RIMS2: variants seen among roughly 807,000 people sequenced by gnomAD.
RIMS2 encodes the protein regulating synaptic membrane exocytosis 2.
RIMS2 carries 59 observed loss-of-function variants against 174.4 expected under a neutral mutation model. The observed-to-expected ratio is 0.34, with a 90% CI of 0.27 to 0.42. RIMS2 has a LOEUF of 0.42. Ranked by LOEUF, RIMS2 falls within the 10% of genes least tolerant of loss-of-function variation. The pLI is 1.00. For missense variants in RIMS2, 1,620 were observed against 1,666.3 expected (o/e 0.97, Z 0.48); for synonymous variants, 606 against 572.5 (o/e 1.06, Z -0.84).
At chr8:104,077,225 G>A (rs1303366188) in intron 19 of RIMS2, among the ~76,000 whole-genome samples, 1 of 152,102 alleles carries the variant, frequency 6.6e-6, no homozygotes, top group Admixed American at 6.5e-5. Context: ...AATGATGGTT[G>A]TGGTCGTGGT....
intron 3 of RIMS2, among the ~76,000 whole-genome samples, chr8:103,851,491 T>C (rs2098997667): frequency 6.6e-6 from 1 of 151,192 alleles, no homozygotes; most frequent in African/African-American, 2.4e-5. Context: ...GTTAGAACAA[T>C]GAGATTTCAA....
chr8:103,985,810 T>C (rs969587068), intron 16 of RIMS2, among the ~76,000 whole-genome samples: 1 of 152,186 alleles, frequency 6.6e-6, no homozygotes, highest in African/African-American at 2.4e-5. Flanking sequence ...AATTCTATCA[T>C]TTCTGACAAC....
intron 19 of RIMS2, among the ~76,000 whole-genome samples, chr8:104,028,068 T>C (rs539887948): frequency 2.0e-5 from 3 of 151,950 alleles, no homozygotes; most frequent in African/African-American, 7.2e-5. Flanking sequence ...GTAGCTGAAC[T>C]ACAGGCATAT....
chr8:103,676,603 G>A (rs1346962674), intron 1 of RIMS2, among the ~76,000 whole-genome samples: 3 of 151,104 alleles, frequency 2.0e-5, no homozygotes, highest in Non-Finnish European at 4.4e-5. Context: ...AATAAAGAGG[G>A]AATAACAATA....
At chr8:104,107,081 C>G (rs2098084741) in intron 19 of RIMS2, among the ~76,000 whole-genome samples, 2 of 151,954 alleles carry the variant, frequency 1.3e-5, no homozygotes, top group African/African-American at 4.8e-5. Context: ...AAGGAAGAAA[C>G]AATTCCAGTC....
intron 17 of RIMS2, among the ~76,000 whole-genome samples, chr8:104,007,600 A>T (rs1440073083): frequency 6.6e-6 from 1 of 152,112 alleles, no homozygotes; most frequent in Non-Finnish European, 1.5e-5. Context: ...AGTCTTTACC[A>T]TATCAAGCAG....
chr8:103,609,283 A>G (rs2095279285), intron 1 of RIMS2, among the ~76,000 whole-genome samples: 1 of 152,112 alleles, frequency 6.6e-6, no homozygotes, highest in East Asian at 1.9e-4. Context: ...TAGTTTGGAA[A>G]TATTTTCTCC....
intron 1 of RIMS2, among the ~76,000 whole-genome samples, chr8:103,633,015 G>A (rs1361760214): frequency 1.3e-5 from 2 of 148,464 alleles, no homozygotes; most frequent in Non-Finnish European, 3.0e-5. Flanking sequence ...TTACAGGTGT[G>A]AGCCTCCGCG....
In RIMS2 at chr8:103,888,941, G is replaced by T. The variant is rs551899922; in HGVS notation, c.1624+2718G>T. 5.9e-5 allele frequency among the ~76,000 whole-genome samples: 9 copies of T among 151,642 alleles called. No homozygotes were observed. In the East Asian group the frequency reaches 1.8e-3, roughly 29 times the overall value. On this transcript the variant is annotated intron_variant, in intron 4 of 23. Coordinates refer to ENST00000504942, the Ensembl canonical transcript of RIMS2. ...AAAACTACACTTTAATTTGAATTTG[G>T]AAGAATAAACTTGAATGAAGTAATC...
At chr8:103,587,752 G>A (rs1356423964) in intron 1 of RIMS2, among the ~76,000 whole-genome samples, 2 of 151,930 alleles carry the variant, frequency 1.3e-5, no homozygotes, top group Non-Finnish European at 2.9e-5. Flanking sequence ...GATGGAAGGA[G>A]CATACTTCAA....
intron 3 of RIMS2, among the ~76,000 whole-genome samples, chr8:103,798,795 C>T (rs2098578312): frequency 6.6e-6 from 1 of 152,090 alleles, no homozygotes; most frequent in African/African-American, 2.4e-5. Context: ...CTGGATGTTA[C>T]CTTACCTGGC....
chr8:103,996,816 A>G (rs563944973), intron 17 of RIMS2, among the ~76,000 whole-genome samples: 2 of 152,048 alleles, frequency 1.3e-5, no homozygotes, highest in South Asian at 4.1e-4. Context: ...TGTTTTGAGA[A>G]GTAAATGAGA....
intron 2 of RIMS2, among the ~76,000 whole-genome samples, chr8:103,714,354 C>T (rs2097343920): frequency 6.6e-6 from 1 of 152,058 alleles, no homozygotes; most frequent in African/African-American, 2.4e-5. Flanking sequence ...ATAAACTATA[C>T]AGACAGAATT....
chr8:103,769,980 A>T (rs2098231541), intron 3 of RIMS2, among the ~76,000 whole-genome samples: 1 of 152,214 alleles, frequency 6.6e-6, no homozygotes, highest in Admixed American at 6.5e-5. Flanking sequence ...AACTCATTGT[A>T]ATTTACATAC....
intron 3 of RIMS2, among the ~76,000 whole-genome samples, chr8:103,784,863 A>G (rs1301386881): frequency 8.0e-6 from 1 of 125,008 alleles, no homozygotes; most frequent in Non-Finnish European, 1.7e-5. Flanking sequence ...CTTGGGCAGT[A>G]TGGCCATTTT....
chr8:104,022,944 C>A (rs561269215), intron 19 of RIMS2, among the ~76,000 whole-genome samples: 2 of 152,090 alleles, frequency 1.3e-5, no homozygotes, highest in African/African-American at 2.4e-5. Flanking sequence ...ATTTCACATA[C>A]GCTAACTTGG....
At chr8:103,751,085 C>T (rs1357299281) in intron 2 of RIMS2, among the ~76,000 whole-genome samples, 1 of 152,224 alleles carries the variant, frequency 6.6e-6, no homozygotes, top group Non-Finnish European at 1.5e-5. Flanking sequence ...CTTTCACCTT[C>T]CACCAGGATT....
intron 14 of RIMS2, among the ~76,000 whole-genome samples, chr8:103,947,627 C>T (rs575405311): frequency 2.0e-5 from 3 of 151,408 alleles, no homozygotes; most frequent in Admixed American, 6.6e-5. Context: ...AAATGATATA[C>T]GTGAATAGGG....
At chr8:103,742,059 G>A (rs2097767367) in intron 2 of RIMS2, among the ~76,000 whole-genome samples, 2 of 151,944 alleles carry the variant, frequency 1.3e-5, no homozygotes, top group African/African-American at 4.8e-5. Flanking sequence ...CCATGTTAAT[G>A]GTAGCATCTG....
Sources: allele counts gnomAD v4.1 joint callset (sites outside exome capture counted in the v4.1 genomes callset), GRCh38; gene constraint gnomAD v4.1.1; transcripts MANE v1.5; gene names NCBI Gene and HGNC (gene_info 2026-07-23, HGNC 2026-07-21).